PRELID2: variants seen among roughly 807,000 people sequenced by gnomAD.
PRELID2 encodes the protein PRELI domain containing 2.
A neutral mutation model predicts 28.4 loss-of-function variants in PRELID2; 25 were observed. The ratio of observed to expected loss-of-function variants is 0.88; its 90% CI spans 0.64 to 1.23. The LOEUF (loss-of-function observed/expected upper bound fraction) is 1.23. PRELID2 is among the 50% of genes most tolerant of loss of function. The pLI, the probability that PRELID2 is intolerant of heterozygous loss-of-function variation, is 0.00. For missense variants in PRELID2, 201 were observed against 214.4 expected, an observed-to-expected ratio of 0.94 and a Z score of 0.39; for synonymous variants, 76 against 71.6, an observed-to-expected ratio of 1.06 and a Z score of -0.31.
At chr5:145,369,902 C>T in the PRELID2 span, among the ~76,000 whole-genome samples, 32 of 150,610 alleles carry the variant, frequency 2.1e-4, no homozygotes, top group East Asian at 4.7e-3. Context: ...CACGTTTGTT[C>T]GCTGCATGTC....
At chr5:145,619,611 G>A (rs983851024) in intron 1 of PRELID2, among the ~76,000 whole-genome samples, 13 of 152,254 alleles carry the variant, frequency 8.5e-5, no homozygotes, top group African/African-American at 2.6e-4. Flanking sequence ...GGGTCCTCTC[G>A]GTTTCCTGAT....
the PRELID2 span, among the ~76,000 whole-genome samples, chr5:145,375,108 T>A: frequency 6.6e-6 from 1 of 152,112 alleles, no homozygotes; most frequent in African/African-American, 2.4e-5. Flanking sequence ...CTTTCTCACC[T>A]TTGTGAGTTT....
intron 1 of PRELID2, among the ~76,000 whole-genome samples, chr5:145,827,255 C>T (rs1755255711): frequency 1.3e-5 from 2 of 152,046 alleles, no homozygotes; most frequent in Admixed American, 1.3e-4. Flanking sequence ...ATGAGCTATG[C>T]CAAATTCCTT....
chr5:145,308,207 A>C, the PRELID2 span, among the ~76,000 whole-genome samples: 1 of 152,094 alleles, frequency 6.6e-6, no homozygotes, highest in African/African-American at 2.4e-5. Context: ...GTAGAACCCA[A>C]ATGCCCAGCA....
At chr5:145,627,617 C>T (rs572412511) in intron 1 of PRELID2, among the ~76,000 whole-genome samples, 4 of 152,272 alleles carry the variant, frequency 2.6e-5, no homozygotes, top group Non-Finnish European at 4.4e-5. Flanking sequence ...TACCTGATCT[C>T]CCTACATCAA....
chr5:145,780,253 C>G (rs578212800), intron 5 of PRELID2, among the ~76,000 whole-genome samples: 1 of 152,320 alleles, frequency 6.6e-6, no homozygotes, highest in African/African-American at 2.4e-5. Context: ...GTGGAGGTTG[C>G]AGTGAGCCAA....
At chr5:145,396,208 A>G in the PRELID2 span, among the ~76,000 whole-genome samples, 2 of 152,172 alleles carry the variant, frequency 1.3e-5, no homozygotes, top group Admixed American at 6.6e-5. Context: ...CACCATTGTA[A>G]TAACAACCAA....
chr5:145,740,829 TATATATTTATCGATAA>T (rs1756674396), intron 1 of PRELID2, among the ~76,000 whole-genome samples: 1 of 86,050 alleles, frequency 1.2e-5, no homozygotes, highest in East Asian at 2.7e-4. Context: ...TATATACAAA[TATATATTTATCGATAA>T]ATATATATGT....
rs563855058 is a variant in PRELID2 at position 145,811,613 on chromosome 5, C to T, written c.368+6281G>A. 1.3e-5 allele frequency among the ~76,000 whole-genome samples: 2 copies of T among 152,168 alleles called. 1 individual carries two copies. The highest frequency in any genetic ancestry group is 4.1e-4 in the South Asian group (2 of 4,834). Reference sequence around the variant, plus strand: ...GTAGGATTCTAAACGCAGATGCCTACTCAGTTACTGTGGCATAGGACATGA... The same window carrying T: ...GTAGGATTCTAAACGCAGATGCCTATTCAGTTACTGTGGCATAGGACATGA... On this transcript the variant is annotated intron_variant, in intron 4 of 6. Coordinates refer to ENST00000683046, the MANE Select transcript of PRELID2 (RefSeq NM_205846.3).
chr5:145,727,828 C>G (rs567540667), intron 1 of PRELID2, among the ~76,000 whole-genome samples: 1 of 152,218 alleles, frequency 6.6e-6, no homozygotes, highest in South Asian at 2.1e-4. Flanking sequence ...TGATTTTTAT[C>G]AAAGGTTGAA....
chr5:145,645,367 CT>C (rs111783296), intron 1 of PRELID2, among the ~76,000 whole-genome samples: 1 of 33,222 alleles, frequency 3.0e-5, no homozygotes, highest in Non-Finnish European at 6.1e-5. Context: ...TTTTTTTTGG[CT>C]TTTTGCTTTC....
At chr5:145,550,063 T>C (rs1561504285) in intron 1 of PRELID2, among the ~76,000 whole-genome samples, 2 of 151,862 alleles carry the variant, frequency 1.3e-5, no homozygotes, top group Non-Finnish European at 2.9e-5. Context: ...ACCAATGGGG[T>C]TAGGTGTTTG....
At chr5:145,821,767 C>T (rs1754849435) in intron 2 of PRELID2, among the ~76,000 whole-genome samples, 1 of 152,158 alleles carries the variant, frequency 6.6e-6, no homozygotes, top group Non-Finnish European at 1.5e-5. Context: ...CAAAGATGCC[C>T]CTGACGATGA....
intron 1 of PRELID2, among the ~76,000 whole-genome samples, chr5:145,670,174 C>T (rs1487817993): frequency 6.6e-6 from 1 of 152,116 alleles, no homozygotes; most frequent in Non-Finnish European, 1.5e-5. Context: ...TTAGCATCTG[C>T]TTCTGGTGAG....
At chr5:145,660,706 A>G (rs572544477) in intron 1 of PRELID2, among the ~76,000 whole-genome samples, 1 of 152,310 alleles carries the variant, frequency 6.6e-6, no homozygotes, top group Admixed American at 6.5e-5. Flanking sequence ...AACAGCCTAC[A>G]TTTCCTTTGA....
the PRELID2 span, among the ~76,000 whole-genome samples, chr5:145,314,989 T>TC: frequency 6.6e-6 from 1 of 151,898 alleles, no homozygotes; most frequent in African/African-American, 2.4e-5. Context: ...TTTTTTGATC[T>TC]TAAAAGGTAA....
At chr5:145,421,916 G>T in the PRELID2 span, among the ~76,000 whole-genome samples, 1 of 151,796 alleles carries the variant, frequency 6.6e-6, no homozygotes, top group African/African-American at 2.4e-5. Flanking sequence ...GCGTCCCAGA[G>T]ATTCTGGTAT....
chr5:145,393,912 T>A, the PRELID2 span, among the ~76,000 whole-genome samples: 1 of 152,134 alleles, frequency 6.6e-6, no homozygotes, highest in South Asian at 2.1e-4. Flanking sequence ...AGACATACAT[T>A]AAAAACCACC....
chr5:145,768,973 T>C (rs915065940), intron 5 of PRELID2, among the ~76,000 whole-genome samples: 1 of 152,072 alleles, frequency 6.6e-6, no homozygotes, highest in African/African-American at 2.4e-5. Flanking sequence ...AAGCCATGAT[T>C]TAGTACCTCT....
Sources: gnomAD v4.1 joint callset for allele counts (sites outside exome capture counted in the v4.1 genomes callset) on GRCh38, gnomAD v4.1.1 for gene constraint, MANE v1.5 for transcripts, NCBI Gene and HGNC (gene_info 2026-07-23, HGNC 2026-07-21) for gene names.